The following AZI2 variants were observed in gnomAD, a reference collection of about 807,000 sequenced individuals.
AZI2 encodes 5-azacytidine-induced protein 2.
A neutral mutation model predicts 45.8 loss-of-function variants in AZI2; 22 were observed. The observed-to-expected ratio is 0.48, with a 90% CI of 0.34 to 0.69. AZI2 has a LOEUF of 0.69. Among genes scored for constraint, AZI2 ranks in the 30% least tolerant of loss-of-function variants. AZI2 has a pLI of 0.01. For synonymous variants in AZI2, 137 were observed against 156.7 expected, an observed-to-expected ratio of 0.87 and a Z score of 0.94; for missense variants, 417 against 441.5, an observed-to-expected ratio of 0.94 and a Z score of 0.50.
Position 28,338,597 on chromosome 3 carries a change from C to T in AZI2, c.235G>A (p.Glu79Lys). 6.2e-7 allele frequency: 1 copy of T among 1,610,044 alleles called. No individual in the cohort carries two copies. Among genetic ancestry groups the T allele is most frequent in the Non-Finnish European group, 8.5e-7 (1 of 1,178,086 alleles). The stretch of plus-strand genomic sequence containing the variant: ...TCTCGTCCCACGGAACTTGTTTCTT[C>T]TTCAAATCGAGCTATTAGCTAACGG... Reference protein sequence around the residue: ...LEEKLIARFEEETSSVGREQV... With the variant: ...LEEKLIARFEKETSSVGREQV... Residue 79 changes from glutamate to lysine, a missense_variant, in exon 3 of 8, where the codon GAA becomes AAA. Coordinates refer to ENST00000479665, the MANE Select transcript of AZI2 (RefSeq NM_022461.5).
chr3:28,337,494 T>A (rs1379125643), intron 4 of AZI2, among the ~76,000 whole-genome samples: 1 of 152,118 alleles, frequency 6.6e-6, no homozygotes, highest in Non-Finnish European at 1.5e-5. Flanking sequence ...ATGCCCCAGA[T>A]CCAACTTTCC....
rs71087691 is a variant in AZI2 at position 28,342,711 on chromosome 3, GCACACACACACA to G, written c.-5-2101_-5-2090del. 8.1e-3 allele frequency among the ~76,000 whole-genome samples: 1,198 copies of G among 147,514 alleles called. 19 individuals are homozygous for G. The highest frequency in any genetic ancestry group is 0.027 in the African/African-American group (1,073 of 40,310). On this transcript the variant is annotated intron_variant, in intron 1 of 7. Transcript: ENST00000479665. ...ATCTTCATATAAGACTCTTACACATGCACACACACACACACACACACACACACACACACACAC... is the reference window on the plus strand; with the variant it reads ...ATCTTCATATAAGACTCTTACACATGCACACACACACACACACACACACAC...
In AZI2 at chr3:28,323,874, ACCAACTATGTTGGT is replaced by A; in HGVS notation, c.*154_*167del. The stretch of plus-strand genomic sequence containing the variant: ...AGAGGGTGCTCTTTCATACTAGAAA[ACCAACTATGTTGGT>A]TTTTGTACTATTGTACAGTGTGTTC... On this transcript the variant is annotated 3_prime_UTR_variant, in exon 8 of 8. Transcript: ENST00000479665. 1 of 675,700 alleles carries A rather than the reference ACCAACTATGTTGGT, an allele frequency of 1.5e-6. No individual in the cohort carries two copies. The highest frequency in any genetic ancestry group is 2.7e-5 in the South Asian group (1 of 37,260). The allele number at this position is 675,700 out of a possible 1,614,324, so 41.9% of individuals were successfully genotyped here. A position where few individuals can be genotyped will look rare whatever the true frequency, so the allele number is the denominator to read the frequency against.
intron 1 of AZI2, among the ~76,000 whole-genome samples, chr3:28,345,208 TC>T (rs1704176875): frequency 6.6e-6 from 1 of 152,110 alleles, no homozygotes; most frequent in Admixed American, 6.5e-5. Flanking sequence ...TAAGTCATAT[TC>T]CAATTTGAGA....
intron 1 of AZI2, among the ~76,000 whole-genome samples, chr3:28,342,713 A>ATG (rs1239789330): frequency 1.0e-4 from 1 of 9,732 alleles, no homozygotes; most frequent in Non-Finnish European, 2.0e-4. Context: ...TTACACATGC[A>ATG]CACACACACA....
chr3:28,337,078 A>C (rs1559460685), intron 4 of AZI2, 193 bp from the exon 5 acceptor site: 1 of 548,578 alleles, frequency 1.8e-6, no homozygotes, highest in Non-Finnish European at 3.0e-6. Flanking sequence ...GAAATCTAGC[A>C]ATCTTGTTTT....
chr3:28,328,150 T>A (rs886594106), intron 6 of AZI2, among the ~76,000 whole-genome samples: 1 of 151,008 alleles, frequency 6.6e-6, no homozygotes, highest in South Asian at 2.1e-4. Context: ...TGTTAAGTTG[T>A]AGTATATTAG....
At chr3:28,334,923 G>A (rs1039173983) in intron 5 of AZI2, among the ~76,000 whole-genome samples, 5 of 151,812 alleles carry the variant, frequency 3.3e-5, no homozygotes, top group Non-Finnish European at 7.4e-5. Context: ...AAGCATGATA[G>A]TAATGTTTGA....
chr3:28,338,648 G>T (rs1382687635), intron 2 of AZI2, 33 bp from the exon 3 acceptor site: 10 of 1,583,852 alleles, frequency 6.3e-6, no homozygotes, highest in African/African-American at 1.3e-5. Flanking sequence ...GAAAGCTTAA[G>T]AGAGTATTCT....
Position 28,340,416 on chromosome 3 carries a change from A to G in AZI2, c.202T>C (p.Phe68Leu). The change falls in exon 2 of 8, where the codon TTT becomes CTT. Residue 68 changes from phenylalanine to leucine, a missense_variant. Coordinates refer to ENST00000479665, the MANE Select transcript of AZI2 (RefSeq NM_022461.5). ...ENSLLKKRIRFLEEKLIARFE... is the reference protein window; with the variant it reads ...ENSLLKKRIRLLEEKLIARFE... ...ATAAAAATTACCTTTTCTTCCAAAA[A>G]TCTTATTCTCTTCTTTAACAAAGAG... The G allele has an allele frequency of 1.3e-6, 2 of 1,588,676 alleles. No individual in the cohort carries two copies. Among genetic ancestry groups the G allele is most frequent in the Non-Finnish European group, 1.7e-6 (2 of 1,159,800 alleles).
intron 1 of AZI2, among the ~76,000 whole-genome samples, chr3:28,347,903 T>G (rs1215634739): frequency 6.6e-6 from 1 of 152,220 alleles, no homozygotes; most frequent in Non-Finnish European, 1.5e-5. Context: ...CTTCTACACA[T>G]AAGGCGCAAG....
chr3:28,322,777 T>C lies in AZI2; in HGVS notation c.*1265A>G, dbSNP rs1200130043. ...TAAGATAATAGAAAAAAATATCTAG[T>C]GAATGGCGAACATTGTCTATGTATG... On this transcript the variant is annotated 3_prime_UTR_variant, in exon 8 of 8. Transcript: ENST00000479665. 6.6e-6 allele frequency: 1 copy of C among 151,522 alleles called. No homozygotes were observed. Among genetic ancestry groups the C allele is most frequent in the African/African-American group, 2.4e-5 (1 of 41,302 alleles). 9.4% of individuals were successfully genotyped at this position (151,522 alleles called of 1,614,324 possible). A position where few individuals can be genotyped will look rare whatever the true frequency, so the allele number is the denominator to read the frequency against.
At chr3:28,326,489 CTTTT>C (rs5847511) in intron 7 of AZI2, 6 of 142,184 alleles carry the variant, frequency 4.2e-5, no homozygotes, top group East Asian at 2.1e-4. Context: ...CTTTTGGTGT[CTTTT>C]TTTTTTTTTT....
chr3:28,331,348 C>T (rs1703562064), intron 6 of AZI2, among the ~76,000 whole-genome samples: 1 of 151,386 alleles, frequency 6.6e-6, no homozygotes, highest in Non-Finnish European at 1.5e-5. Context: ...TACATGGATA[C>T]TATACTAGAC....
intron 5 of AZI2, among the ~76,000 whole-genome samples, chr3:28,334,870 G>A (rs1703726446): frequency 6.6e-6 from 1 of 151,772 alleles, no homozygotes; most frequent in Admixed American, 6.6e-5. Flanking sequence ...ACTATATAAT[G>A]GCCACTATGA....
chr3:28,323,967 T>A lies in AZI2; in HGVS notation c.*75A>T. ...ATTTTAATCAAAATCTCCTTTCAGTTTGTTAAATAATTTCTTGGGAGGACC... is the reference window on the plus strand; with the variant it reads ...ATTTTAATCAAAATCTCCTTTCAGTATGTTAAATAATTTCTTGGGAGGACC... On this transcript the variant is annotated 3_prime_UTR_variant, in exon 8 of 8. Transcript: ENST00000479665. 1 of 1,456,882 alleles carries A rather than the reference T, an allele frequency of 6.9e-7. No homozygotes were observed. Among genetic ancestry groups the A allele is most frequent in the Non-Finnish European group, 9.3e-7 (1 of 1,077,798 alleles). 90.2% of individuals were successfully genotyped at this position (1,456,882 alleles called of 1,614,324 possible).
At chr3:28,347,002 A>T (rs922657480) in intron 1 of AZI2, among the ~76,000 whole-genome samples, 1 of 152,210 alleles carries the variant, frequency 6.6e-6, no homozygotes, top group African/African-American at 2.4e-5. Flanking sequence ...TGCACAGATC[A>T]AGACTCTTCC....
chr3:28,327,619 G>A (rs1350347015), intron 6 of AZI2, among the ~76,000 whole-genome samples: 2 of 150,794 alleles, frequency 1.3e-5, no homozygotes, highest in Non-Finnish European at 3.0e-5. Flanking sequence ...TGCCTCTCCT[G>A]TTTTTATAAT....
At chr3:28,337,359 G>T (rs1277064698) in intron 4 of AZI2, among the ~76,000 whole-genome samples, 1 of 151,460 alleles carries the variant, frequency 6.6e-6, no homozygotes, top group Non-Finnish European at 1.5e-5. Context: ...AGTCTCTCTA[G>T]CTACAAAAAG....
Sources: gnomAD v4.1 joint callset for allele counts (sites outside exome capture counted in the v4.1 genomes callset) on GRCh38, gnomAD v4.1.1 for gene constraint, MANE v1.5 for transcripts, NCBI Gene and HGNC (gene_info 2026-07-23, HGNC 2026-07-21) for gene names.